The following PDS5B variants were observed in gnomAD, a reference collection of about 807,000 sequenced individuals.
PDS5B encodes PDS5 cohesin associated factor B, also known as sister chromatid cohesion protein PDS5 homolog B.
A neutral mutation model predicts 184.1 loss-of-function variants in PDS5B; 51 were observed. The observed-to-expected ratio is 0.28, with a 90% CI of 0.22 to 0.35. The LOEUF (loss-of-function observed/expected upper bound fraction) is 0.35. PDS5B is among the 10% of genes least tolerant of loss of function. The pLI, the probability that PDS5B is intolerant of heterozygous loss-of-function variation, is 1.00. For missense variants in PDS5B, 1,180 were observed against 1,723.3 expected (o/e 0.68, Z 5.58); for synonymous variants, 566 against 569.2 (o/e 0.99, Z 0.08).
chr13:32,675,217 T>C (rs542975229), intron 8 of PDS5B, among the ~76,000 whole-genome samples: 16 of 152,178 alleles, frequency 1.1e-4, no homozygotes, highest in South Asian at 2.1e-4. Context: ...CATTCACTTA[T>C]CCATTGAGTC....
intron 30 of PDS5B, among the ~76,000 whole-genome samples, chr13:32,761,452 T>C (rs1954393018): frequency 6.6e-6 from 1 of 152,186 alleles, no homozygotes; most frequent in Non-Finnish European, 1.5e-5. Context: ...TAGGTCGTTT[T>C]ACAGCCCACA....
At chr13:32,703,707 G>A (rs1401369504) in intron 17 of PDS5B, among the ~76,000 whole-genome samples, 2 of 152,122 alleles carry the variant, frequency 1.3e-5, no homozygotes, top group Non-Finnish European at 2.9e-5. Context: ...GTCCCCTATA[G>A]TAGTCAGTGA....
At chr13:32,696,538 CT>C (rs548786319) in intron 14 of PDS5B, among the ~76,000 whole-genome samples, 45 of 151,226 alleles carry the variant, frequency 3.0e-4, no homozygotes, top group Middle Eastern at 3.4e-3. Context: ...TTTCCCTGTT[CT>C]TTCAGCTCTA....
intron 20 of PDS5B, among the ~76,000 whole-genome samples, chr13:32,732,650 T>G (rs923539479): frequency 2.6e-5 from 4 of 152,148 alleles, no homozygotes; most frequent in Non-Finnish European, 5.9e-5. Context: ...AGTTTATAGT[T>G]TTATGACTGA....
At chr13:32,657,824 TAAAAA>T (rs955612417) in intron 3 of PDS5B, among the ~76,000 whole-genome samples, 1 of 151,970 alleles carries the variant, frequency 6.6e-6, no homozygotes, top group Admixed American at 6.6e-5. Flanking sequence ...ATTTGGCAAT[TAAAAA>T]AAATTGTTTC....
chr13:32,607,870 A>T (rs1185571879), intron 1 of PDS5B, among the ~76,000 whole-genome samples: 1 of 152,214 alleles, frequency 6.6e-6, no homozygotes, highest in African/African-American at 2.4e-5. Context: ...CAGGTGCGGG[A>T]TATAATCTCC....
In PDS5B at chr13:32,592,028, G is replaced by A. The variant is rs535737637; in HGVS notation, c.-20+5435G>A. Among the ~76,000 whole-genome samples the A allele has an allele frequency of 5.3e-5, 8 of 152,246 alleles. No homozygotes were observed. In the East Asian group the frequency reaches 9.7e-4, roughly 18 times the overall value. ...CATAAGGTAGAAGAGAAGCTGAAGCGACACACAGGAAGGGAGATTTGAGAG... is the reference window on the plus strand; with the variant it reads ...CATAAGGTAGAAGAGAAGCTGAAGCAACACACAGGAAGGGAGATTTGAGAG... On this transcript the variant is annotated intron_variant, in intron 1 of 34. Transcript: ENST00000315596.
chr13:32,761,289 A>G (rs572671496), intron 30 of PDS5B, among the ~76,000 whole-genome samples: 1 of 152,326 alleles, frequency 6.6e-6, no homozygotes, highest in African/African-American at 2.4e-5. Context: ...TTATTTGTAT[A>G]GTACCACGTA....
At chr13:32,591,073 C>T (rs977660499) in intron 1 of PDS5B, among the ~76,000 whole-genome samples, 5 of 151,666 alleles carry the variant, frequency 3.3e-5, no homozygotes, top group Admixed American at 3.3e-4. Context: ...AAAAATTGTA[C>T]AAAGAGTATT....
At chr13:32,612,720 A>G (rs2058161966) in intron 1 of PDS5B, among the ~76,000 whole-genome samples, 1 of 152,206 alleles carries the variant, frequency 6.6e-6, no homozygotes, top group African/African-American at 2.4e-5. Context: ...GAGTGGATTC[A>G]TTATAAAAGG....
rs930845489 is a variant in PDS5B at position 32,777,103 on chromosome 13, C to T, written c.*2051C>T. On this transcript the variant is annotated 3_prime_UTR_variant, in exon 35 of 35. Transcript: ENST00000315596. ...ATTTTTGTCATTGATTAAATTGCAC[C>T]AGAAATGTTTATGGAAATATTAAGA... The T allele has an allele frequency of 6.6e-6, 1 of 151,880 alleles. No individual in the cohort carries two copies. Among genetic ancestry groups the T allele is most frequent in the Non-Finnish European group, 1.5e-5 (1 of 67,862 alleles). 9.4% of individuals were successfully genotyped at this position (151,880 alleles called of 1,614,324 possible). A position where few individuals can be genotyped will look rare whatever the true frequency, so the allele number is the denominator to read the frequency against.
At chr13:32,767,460 A>G (rs957739729) in intron 31 of PDS5B, among the ~76,000 whole-genome samples, 2 of 152,176 alleles carry the variant, frequency 1.3e-5, no homozygotes, top group African/African-American at 2.4e-5. Context: ...TTGAAAATCT[A>G]TCCCTACCTA....
chr13:32,681,408 A>G (rs1330994071), intron 10 of PDS5B, among the ~76,000 whole-genome samples: 1 of 152,108 alleles, frequency 6.6e-6, no homozygotes, highest in African/African-American at 2.4e-5. Flanking sequence ...AGATTGCTTG[A>G]GGTCAGGAGT....
At chr13:32,756,114 C>T (rs919745983) in intron 26 of PDS5B, among the ~76,000 whole-genome samples, 158 bp downstream of exon 26, 1 of 151,360 alleles carries the variant, frequency 6.6e-6, no homozygotes, top group African/African-American at 2.4e-5. Flanking sequence ...TTTTTCATAC[C>T]ATCTCTTTAT....
intron 1 of PDS5B, among the ~76,000 whole-genome samples, chr13:32,601,212 A>AT (rs904301093): frequency 7.2e-5 from 11 of 151,786 alleles, no homozygotes; most frequent in African/African-American, 1.9e-4. Flanking sequence ...CTTTAAAAGT[A>AT]TTTTTTTTCC....
chr13:32,711,481 C>T (rs1196010040), intron 19 of PDS5B, among the ~76,000 whole-genome samples: 2 of 152,128 alleles, frequency 1.3e-5, no homozygotes, highest in Non-Finnish European at 2.9e-5. Context: ...CCTCAGCCTC[C>T]TGAGTAGCTG....
At chr13:32,677,004 T>C (rs1951087958) in intron 9 of PDS5B, among the ~76,000 whole-genome samples, 1 of 151,262 alleles carries the variant, frequency 6.6e-6, no homozygotes, top group South Asian at 2.1e-4. Flanking sequence ...ATATTTGCAA[T>C]GGTATGACCA....
intron 7 of PDS5B, among the ~76,000 whole-genome samples, chr13:32,671,917 A>G (rs1326969301): frequency 6.6e-6 from 1 of 152,194 alleles, no homozygotes; most frequent in Admixed American, 6.5e-5. Flanking sequence ...GCTTTTGGTT[A>G]ATTTTTTATG....
At chr13:32,759,383 A>T (rs1954298150) in intron 28 of PDS5B, among the ~76,000 whole-genome samples, 1 of 152,104 alleles carries the variant, frequency 6.6e-6, no homozygotes, top group South Asian at 2.1e-4. Flanking sequence ...TTAAAGAAGC[A>T]TGTGTTTTCT....
Sources: allele counts gnomAD v4.1 joint callset (sites outside exome capture counted in the v4.1 genomes callset), GRCh38; gene constraint gnomAD v4.1.1; transcripts MANE v1.5; gene names NCBI Gene and HGNC (gene_info 2026-07-23, HGNC 2026-07-21).